The following CGA variants were observed in gnomAD, a reference collection of about 807,000 sequenced individuals.
The protein encoded by CGA is glycoprotein hormones, alpha polypeptide.
A neutral mutation model predicts 12.0 loss-of-function variants in CGA; 4 were observed. The ratio of observed to expected loss-of-function variants is 0.33; its 90% CI spans 0.16 to 0.76. CGA has a LOEUF of 0.76. Among genes scored for constraint, CGA ranks in the 30% least tolerant of loss-of-function variants. The pLI, the probability that CGA is intolerant of heterozygous loss-of-function variation, is 0.60. For missense variants in CGA, 102 were observed against 143.5 expected (o/e 0.71, Z 1.48); for synonymous variants, 60 against 56.6 (o/e 1.06, Z -0.27).
Position 87,085,665 on chromosome 6 carries a change from G to A in CGA, c.*91C>T, listed in dbSNP as rs1184695545. The A allele has an allele frequency of 3.5e-6, 3 of 854,254 alleles. No homozygotes were observed. Among genetic ancestry groups the A allele is most frequent in the South Asian group, 1.4e-5 (1 of 68,968 alleles). The allele number at this position is 854,254 out of a possible 1,614,324, so 52.9% of individuals were successfully genotyped here. ...CAAAGTGGTATGGTAAGGAAAAGGA[G>A]AGTTTTATCTCACAAAGCCATAAAC... On this transcript the variant is annotated 3_prime_UTR_variant, in exon 4 of 4. Transcript: ENST00000627148.
At position 87,086,295 on chromosome 6, in the gene CGA, G is replaced by A. The variant is rs148435935; in HGVS notation, c.228C>T (p.Asn76=). 253 of 1,614,024 alleles carry A rather than the reference G, an allele frequency of 1.6e-4. No homozygotes were observed. The East Asian group carries it at 3.8e-3, about 24-fold the overall frequency. ...RSKKTMLVQK[N]VTSESTCCVA... The stretch of plus-strand genomic sequence containing the variant: ...CACAGCAAGTGGACTCTGAGGTGAC[G>A]TTCTTTTGGACCAACATCGTCTTCT... Residue 76 remains asparagine (N), a synonymous_variant, in exon 3 of 4, where the codon AAC becomes AAT. Coordinates refer to ENST00000627148, the MANE Select transcript of CGA (RefSeq NM_000735.4).
Position 87,086,231 on chromosome 6 carries a change from G to A in CGA, c.273+19C>T, listed in dbSNP as rs1769319638. On this transcript the variant is annotated intron_variant, in intron 3 of 3. Transcript: ENST00000627148. ...TGATTGGGCTGTTAGAAAGCTTCTG[G>A]GGATCTTGAGGTTCTTACCCTGTTA... 1 of 1,594,762 alleles carries A rather than the reference G, an allele frequency of 6.3e-7. No individual in the cohort carries two copies. Among genetic ancestry groups the A allele is most frequent in the East Asian group, 2.2e-5 (1 of 44,764 alleles).
Position 87,088,111 on chromosome 6 carries a change from A to G in CGA, c.88+2T>C, listed in dbSNP as rs747532786. The G allele has an allele frequency of 6.3e-7, 1 of 1,589,626 alleles. No homozygotes were observed. Among genetic ancestry groups the G allele is most frequent in the Middle Eastern group, 1.7e-4 (1 of 5,974 alleles). On this transcript the variant is annotated splice_donor_variant, in intron 2 of 3. Transcript: ENST00000627148. LOFTEE classifies it high-confidence loss of function. ...ACTTGAACCACAAATTTGGTCACGC[A>G]CCCTGCACATCAGGAGCGGAATGGA...
At position 87,088,207 on chromosome 6, in the gene CGA, C is replaced by G. The variant is rs1437159690; in HGVS notation, c.-7G>C. 1 of 1,476,338 alleles carries G rather than the reference C, an allele frequency of 6.8e-7. No homozygotes were observed. The highest frequency in any genetic ancestry group is 9.1e-7 in the Non-Finnish European group (1 of 1,100,438). 91.5% of individuals were successfully genotyped at this position (1,476,338 alleles called of 1,614,324 possible). On this transcript the variant is annotated splice_region_variant and 5_prime_UTR_variant, in exon 2 of 4. Coordinates refer to ENST00000627148, the MANE Select transcript of CGA (RefSeq NM_000735.4). ...ATTTTCTGTAGTAATCCATGGCGCT[C>G]CTGCAGACAGACATGGCAAAAAAAA...
chr6:87,092,593 A>G (rs9344673), intron 1 of CGA, among the ~76,000 whole-genome samples: 78,958 of 149,910 alleles, frequency 0.53, 20,976 homozygotes, highest in East Asian at 0.58. Flanking sequence ...GAAGAGGGGA[A>G]AGGAGAGGAA....
chr6:87,093,698 C>T (rs1339571162), intron 1 of CGA, among the ~76,000 whole-genome samples: 1 of 152,158 alleles, frequency 6.6e-6, no homozygotes, highest in East Asian at 1.9e-4. Context: ...ATTTCTGTTA[C>T]CCAGCTCTTA....
At position 87,093,933 on chromosome 6, in the gene CGA, AC is replaced by A. The variant is rs1769487037; in HGVS notation, c.-8+1079del. On this transcript the variant is annotated intron_variant, in intron 1 of 3. Transcript: ENST00000627148. ...ACCAAAGTTGAAATTAACATGAAAA[AC>A]CACGAACCTTTTATAAATGATGACC... is the stretch of plus-strand genomic sequence containing the variant. Among the ~76,000 whole-genome samples, 3 of 152,328 alleles carry A rather than the reference AC, an allele frequency of 2.0e-5. No homozygotes were observed. The South Asian group carries it at 6.2e-4, about 32-fold the overall frequency.
intron 1 of CGA, chr6:87,088,720 T>A (rs1769375313): frequency 6.6e-6 from 1 of 152,158 alleles, no homozygotes; most frequent in Non-Finnish European, 1.5e-5. Flanking sequence ...TCTATCAGAA[T>A]GGCTAAAATA....
At chr6:87,086,179 C>T (rs1048931804) in intron 3 of CGA, 71 bp downstream of exon 3, 1 of 1,397,800 alleles carries the variant, frequency 7.2e-7, no homozygotes, top group African/African-American at 1.4e-5. Flanking sequence ...CATTAAATTC[C>T]ATGGGTGGGC....
chr6:87,088,463 T>A (rs1769370131), intron 1 of CGA, among the ~76,000 whole-genome samples: 1 of 152,096 alleles, frequency 6.6e-6, no homozygotes, highest in Non-Finnish European at 1.5e-5. Context: ...TAATAATAAT[T>A]ACAAAAAATT....
chr6:87,093,371 C>A (rs1027381586), intron 1 of CGA, among the ~76,000 whole-genome samples: 1 of 152,190 alleles, frequency 6.6e-6, no homozygotes, highest in African/African-American at 2.4e-5. Context: ...CCACCTTAAA[C>A]CACAGAGTGT....
At chr6:87,085,898 T>C (rs887588867) in intron 3 of CGA, 65 bp from the exon 4 acceptor site, 8 of 1,069,574 alleles carry the variant, frequency 7.5e-6, no homozygotes, top group Non-Finnish European at 4.3e-6. Context: ...AGAGACAAAA[T>C]TGAAGAATAT....
intron 2 of CGA, 35 bp downstream of exon 2, chr6:87,088,078 T>C: frequency 1.6e-6 from 2 of 1,248,848 alleles, no homozygotes; most frequent in Non-Finnish European, 2.3e-6. Context: ...ATGTGTGTTG[T>C]CCTTATTACT....
rs1769325429 is a variant in CGA, at chr6:87,086,433, A to G, written c.90T>C (p.Asp30=). ...HVLHSAPDVQ[D]CPECTLQENP... ...TTTCCTGTAGCGTGCATTCTGGGCA[A>G]TCTATCAGGGAAAAAAAAAGGCAGA... Residue 30 remains aspartate (D), a splice_region_variant and synonymous_variant, in exon 3 of 4, where the codon GAT becomes GAC. Transcript: ENST00000627148. 6.3e-7 allele frequency: 1 copy of G among 1,586,456 alleles called. No individual in the cohort carries two copies.
chr6:87,086,237 T>C lies in CGA; in HGVS notation c.273+13A>G. ...GGCTGTTAGAAAGCTTCTGGGGATC[T>C]TGAGGTTCTTACCCTGTTATATGAT... is the stretch of plus-strand genomic sequence containing the variant. On this transcript the variant is annotated intron_variant, in intron 3 of 3. Transcript: ENST00000627148. 1 of 1,600,348 alleles carries C rather than the reference T, an allele frequency of 6.2e-7. No homozygotes were observed. Among genetic ancestry groups the C allele is most frequent in the Non-Finnish European group, 8.5e-7 (1 of 1,174,182 alleles).
intron 1 of CGA, among the ~76,000 whole-genome samples, chr6:87,092,742 CTTTTTTTTTTT>C: frequency 1.3e-5 from 1 of 78,038 alleles, no homozygotes; most frequent in Admixed American, 1.8e-4. Context: ...CATTAGCTTT[CTTTTTTTTTTT>C]TTTTTTTTTT....
At chr6:87,092,127 G>A (rs1304376697) in intron 1 of CGA, among the ~76,000 whole-genome samples, 2 of 151,696 alleles carry the variant, frequency 1.3e-5, no homozygotes, top group Middle Eastern at 3.4e-3. Context: ...GAGCTGCAAA[G>A]TGAAGCCCCT....
intron 3 of CGA, 100 bp from the exon 4 acceptor site, chr6:87,085,933 T>C (rs1015952440): frequency 1.2e-6 from 1 of 862,842 alleles, no homozygotes; most frequent in Non-Finnish European, 1.9e-6. Context: ...TGCATTCTGC[T>C]GAAATAAGTA....
chr6:87,088,281 A>G (rs2127754471), intron 1 of CGA, 74 bp from the exon 2 acceptor site: 1 of 836,102 alleles, frequency 1.2e-6, no homozygotes, highest in Non-Finnish European at 1.9e-6. Context: ...TCATAACAAC[A>G]ACCAGTAGTT....
Sources: allele counts gnomAD v4.1 joint callset (sites outside exome capture counted in the v4.1 genomes callset), GRCh38; gene constraint gnomAD v4.1.1; transcripts MANE v1.5; gene names NCBI Gene and HGNC (gene_info 2026-07-23, HGNC 2026-07-21).